The following ZC3H14 variants were observed in gnomAD, a reference collection of about 807,000 sequenced individuals.
ZC3H14 encodes the protein zinc finger CCCH domain-containing protein 14.
In ZC3H14, 31 loss-of-function variants were observed where a neutral mutation model predicts 92.4. The ratio of observed to expected loss-of-function variants is 0.34; its 90% CI spans 0.25 to 0.45. ZC3H14 has a LOEUF of 0.45. ZC3H14 is among the 20% of genes least tolerant of loss of function. The probability of loss-of-function intolerance (pLI) is 1.00; values close to 1 mark genes in which losing one functional copy is unlikely to be tolerated. For synonymous variants in ZC3H14, 321 were observed against 300.9 expected (o/e 1.07, Z -0.69); for missense variants, 781 against 897.3 (o/e 0.87, Z 1.66).
chr14:88,570,201 A>G (rs113001132), intron 3 of ZC3H14, among the ~76,000 whole-genome samples: 1,581 of 152,288 alleles, frequency 0.01, 18 homozygotes, highest in African/African-American at 0.034. Context: ...TGCTTTCTTA[A>G]GTTAGTGTTC....
Position 88,571,138 on chromosome 14 carries a change from C to CTT in ZC3H14, c.235+23_235+24dup, listed in dbSNP as rs1555396623. On this transcript the variant is annotated intron_variant, in intron 4 of 16. Coordinates refer to ENST00000251038, the MANE Select transcript of ZC3H14 (RefSeq NM_024824.5). Reference sequence around the variant, plus strand: ...CTGTTACAACTGGTAAGATTCATAACTTTTTTTTTTAATTTCTGCTTGCTA... The same window carrying CTT: ...CTGTTACAACTGGTAAGATTCATAACTTTTTTTTTTTTAATTTCTGCTTGCTA... 10 of 1,460,692 alleles carry CTT rather than the reference C, an allele frequency of 6.8e-6. No homozygotes were observed. Among genetic ancestry groups the CTT allele is most frequent in the East Asian group, 2.4e-5 (1 of 41,946 alleles). The allele number at this position is 1,460,692 out of a possible 1,614,324, so 90.5% of individuals were successfully genotyped here.
Position 88,626,788 on chromosome 14 carries a change from G to T in ZC3H14, c.*15037G>T. 6.3e-7 allele frequency: 1 copy of T among 1,579,918 alleles called. No homozygotes were observed. Among genetic ancestry groups the T allele is most frequent in the South Asian group, 1.1e-5 (1 of 88,968 alleles). On this transcript the variant is annotated 3_prime_UTR_variant, in exon 17 of 17. Transcript: ENST00000251038. ...TCATGTGGCTGATGATCTAAGGCAA[G>T]AGAATGTAAAGTAGTCAAAGTCACA...
chr14:88,575,002 T>G, intron 7 of ZC3H14, 149 bp downstream of exon 7: 1 of 1,234,772 alleles, frequency 8.1e-7, no homozygotes. Flanking sequence ...AGTGCCACGA[T>G]CTCGGCTCAC....
At chr14:88,566,924 G>GAAAAAA (rs1159219239) in intron 2 of ZC3H14, among the ~76,000 whole-genome samples, 1 of 116,020 alleles carries the variant, frequency 8.6e-6, no homozygotes, top group Admixed American at 8.7e-5. Flanking sequence ...TGTCGTAAAA[G>GAAAAAA]AAAAAAAAAA....
chr14:88,611,072 T>A, intron 16 of ZC3H14, 132 bp downstream of exon 16: 1 of 881,500 alleles, frequency 1.1e-6, no homozygotes, highest in Non-Finnish European at 1.8e-6. Flanking sequence ...TGTTTAATTA[T>A]AGAAGGCTCC....
In ZC3H14 at chr14:88,575,957, AT is replaced by A. The variant is rs752681676; in HGVS notation, c.1123+18del. On this transcript the variant is annotated intron_variant, in intron 8 of 16. Transcript: ENST00000251038. ...ACTCTACAGGTAATTTAAATGTATT[AT>A]GTTTACACTTGGTAAGACATTTCTG... 1.3e-6 allele frequency: 2 copies of A among 1,563,388 alleles called. No individual in the cohort carries two copies. The highest frequency in any genetic ancestry group is 2.2e-5 in the South Asian group (2 of 89,968).
chr14:88,599,300 T>C (rs1449171962), intron 10 of ZC3H14, among the ~76,000 whole-genome samples: 1 of 152,226 alleles, frequency 6.6e-6, no homozygotes, highest in Non-Finnish European at 1.5e-5. Context: ...CCTGAGTTCT[T>C]AATCATCTGT....
At chr14:88,567,124 A>ATTTATTTTT (rs142510062) in intron 2 of ZC3H14, among the ~76,000 whole-genome samples, 52 of 145,298 alleles carry the variant, frequency 3.6e-4, no homozygotes, top group Middle Eastern at 3.5e-3. Context: ...TTATTTATTT[A>ATTTATTTTT]TTTTTTTTTG....
chr14:88,592,584 C>T lies in ZC3H14; in HGVS notation c.1280-4150C>T, dbSNP rs561805188. Among the ~76,000 whole-genome samples, 4 of 143,092 alleles carry T rather than the reference C, an allele frequency of 2.8e-5. No homozygotes were observed. In the East Asian group the frequency reaches 6.5e-4, roughly 23 times the overall value. The allele number at this position is 143,092 out of a possible 152,430, so 93.9% of individuals were successfully genotyped here. On this transcript the variant is annotated intron_variant, in intron 9 of 16. Coordinates refer to ENST00000251038, the MANE Select transcript of ZC3H14 (RefSeq NM_024824.5). ...GGCGCAGTCTCACTCACCGCAGCCT[C>T]TGCCTTCCCAGGTTCAGGTGATTCT...
chr14:88,621,827 G>T lies in ZC3H14; in HGVS notation c.*10076G>T. 2.2e-6 allele frequency: 1 copy of T among 455,358 alleles called. No homozygotes were observed. The highest frequency in any genetic ancestry group is 4.4e-6 in the Non-Finnish European group (1 of 226,446). The allele number at this position is 455,358 out of a possible 1,614,324, so 28.2% of individuals were successfully genotyped here. A position where few individuals can be genotyped will look rare whatever the true frequency, so the allele number is the denominator to read the frequency against. ...ATTATACATATCTATAGGGCATAGG[G>T]TAATACGCATAACCATCACCTCAGA... On this transcript the variant is annotated 3_prime_UTR_variant, in exon 17 of 17. Transcript: ENST00000251038.
rs1295293591 is a variant in ZC3H14 at position 88,618,812 on chromosome 14, T to A, written c.*7061T>A. Reference sequence around the variant, plus strand: ...CCAGATACCGGGAATCCGGACTAAATCTGAATCAAAACAAAACGTAAAAAG... The same window carrying A: ...CCAGATACCGGGAATCCGGACTAAAACTGAATCAAAACAAAACGTAAAAAG... On this transcript the variant is annotated 3_prime_UTR_variant, in exon 17 of 17. Transcript: ENST00000251038. The A allele has an allele frequency of 4.4e-6, 7 of 1,574,516 alleles. No individual in the cohort carries two copies. The highest frequency in any genetic ancestry group is 5.2e-6 in the Non-Finnish European group (6 of 1,159,186).
At chr14:88,577,395 G>A (rs937675677) in intron 8 of ZC3H14, among the ~76,000 whole-genome samples, 6 of 152,064 alleles carry the variant, frequency 3.9e-5, no homozygotes, top group African/African-American at 7.2e-5. Context: ...TAAATAAACC[G>A]CATTTTGTTG....
At chr14:88,587,961 A>G (rs889487273) in intron 9 of ZC3H14, among the ~76,000 whole-genome samples, 4 of 152,200 alleles carry the variant, frequency 2.6e-5, no homozygotes, top group African/African-American at 7.2e-5. Context: ...TAAAGACTAT[A>G]TAAATATTAC....
At chr14:88,599,237 G>A (rs1169885163) in intron 10 of ZC3H14, among the ~76,000 whole-genome samples, 1 of 152,092 alleles carries the variant, frequency 6.6e-6, no homozygotes, top group African/African-American at 2.4e-5. Context: ...AGAATCTTGT[G>A]GTCTGAATTG....
Position 88,621,707 on chromosome 14 carries a change from C to A in ZC3H14, c.*9956C>A. On this transcript the variant is annotated 3_prime_UTR_variant, in exon 17 of 17. Coordinates refer to ENST00000251038, the MANE Select transcript of ZC3H14 (RefSeq NM_024824.5). The stretch of plus-strand genomic sequence containing the variant: ...TAATATGCAGGCTGAAGATAATATC[C>A]GTATGATTTATAAATACACTTAATA... The A allele has an allele frequency of 1.1e-5, 3 of 278,524 alleles. No individual in the cohort carries two copies. Among genetic ancestry groups the A allele is most frequent in the Admixed American group, 4.4e-5 (1 of 22,962 alleles). The allele number at this position is 278,524 out of a possible 1,614,324, so 17.3% of individuals were successfully genotyped here. A position where few individuals can be genotyped will look rare whatever the true frequency, so the allele number is the denominator to read the frequency against.
chr14:88,609,249 T>C lies in ZC3H14; in HGVS notation c.1869-18T>C. ...TGAGAAGATTGAATATGAAATATGC[T>C]TTTTTTTTGTTTTGTAGAGCCTTCC... On this transcript the variant is annotated intron_variant, in intron 13 of 16. Transcript: ENST00000251038. 1 of 1,545,634 alleles carries C rather than the reference T, an allele frequency of 6.5e-7. No homozygotes were observed. Among genetic ancestry groups the C allele is most frequent in the Non-Finnish European group, 8.9e-7 (1 of 1,122,698 alleles).
chr14:88,584,844 A>G (rs1468146662), intron 9 of ZC3H14, among the ~76,000 whole-genome samples: 1 of 152,212 alleles, frequency 6.6e-6, no homozygotes, highest in Non-Finnish European at 1.5e-5. Flanking sequence ...AAGTCATGAC[A>G]TTACAAGAAA....
At chr14:88,567,464 T>G (rs575979450) in intron 2 of ZC3H14, among the ~76,000 whole-genome samples, 1 of 151,718 alleles carries the variant, frequency 6.6e-6, no homozygotes, top group Non-Finnish European at 1.5e-5. Flanking sequence ...TTATAATCAT[T>G]GTAGGATTAC....
At chr14:88,593,894 CA>C (rs11339975) in intron 9 of ZC3H14, among the ~76,000 whole-genome samples, 139,184 of 148,688 alleles carry the variant, frequency 0.94, 65,521 homozygotes, top group Non-Finnish European at 0.99. Context: ...AAGATACTAT[CA>C]AAAAAAAAAA....
Sources: allele counts gnomAD v4.1 joint callset (sites outside exome capture counted in the v4.1 genomes callset), GRCh38; gene constraint gnomAD v4.1.1; transcripts MANE v1.5; gene names NCBI Gene and HGNC (gene_info 2026-07-23, HGNC 2026-07-21).